Variants in ETV1 observed in about 807,000 individuals in gnomAD.
ETV1 encodes ETS translocation variant 1.
Under a neutral mutation model 62.3 loss-of-function variants are expected in ETV1, and 27 were observed. That is an observed-to-expected ratio of 0.43 (90% CI 0.32 to 0.60). ETV1 has a LOEUF of 0.60. ETV1 is among the 20% of genes least tolerant of loss of function. The pLI is 0.06. For missense variants in ETV1, 605 were observed against 605.8 expected, an observed-to-expected ratio of 1.00 and a Z score of 0.01; for synonymous variants, 222 against 199.6, an observed-to-expected ratio of 1.11 and a Z score of -0.94.
At position 13,893,446 on chromosome 7, in the gene ETV1, A is replaced by G. The variant is rs1191206401; in HGVS notation, c.*2420T>C. 2 of 230,646 alleles carry G rather than the reference A, an allele frequency of 8.7e-6. No homozygotes were observed. The highest frequency in any genetic ancestry group is 1.2e-4 in the East Asian group (2 of 16,088). The allele number at this position is 230,646 out of a possible 1,614,324, so 14.3% of individuals were successfully genotyped here. A position where few individuals can be genotyped will look rare whatever the true frequency, so the allele number is the denominator to read the frequency against. ...GAAATACACTTAATGTTGGTCAATT[A>G]TGTATTTAGTTCAGTGAGTCACTAC... is the stretch of plus-strand genomic sequence containing the variant. On this transcript the variant is annotated 3_prime_UTR_variant, in exon 14 of 14. Coordinates refer to ENST00000430479, the MANE Select transcript of ETV1 (RefSeq NM_004956.5).
chr7:13,908,552 CTG>C (rs1187426064), intron 11 of ETV1, among the ~76,000 whole-genome samples: 2 of 152,020 alleles, frequency 1.3e-5, no homozygotes, highest in Non-Finnish European at 2.9e-5. Flanking sequence ...AAGCTAACAT[CTG>C]TTGTAGAATA....
At position 13,911,295 on chromosome 7, in the gene ETV1, C is replaced by A; in HGVS notation, c.815G>T (p.Cys272Phe). ...TTCTTGCCTCATATAAATGGAGTGG[C>A]AGCTAGGCACTTCTGAAAGAGGAAA... ...DFAYDSEVPS[C>F]HSIYMRQEGF... The change falls in exon 10 of 14, where the codon TGC becomes TTC. Residue 272 changes from cysteine (C) to phenylalanine (F), a missense_variant. By Grantham distance (205) the Cys-to-Phe change is radical. Coordinates refer to ENST00000430479, the MANE Select transcript of ETV1 (RefSeq NM_004956.5). 1 of 1,612,006 alleles carries A rather than the reference C, an allele frequency of 6.2e-7. No individual in the cohort carries two copies. Among genetic ancestry groups the A allele is most frequent in the Non-Finnish European group, 8.5e-7 (1 of 1,178,496 alleles).
intron 6 of ETV1, chr7:13,975,020 T>C (rs559235999): frequency 6.6e-6 from 1 of 152,392 alleles, no homozygotes; most frequent in Non-Finnish European, 1.5e-5. Context: ...GACAACAATG[T>C]GGAAGACATC....
At chr7:13,956,235 T>C (rs373389016) in intron 6 of ETV1, among the ~76,000 whole-genome samples, 2 of 152,312 alleles carry the variant, frequency 1.3e-5, no homozygotes, top group African/African-American at 4.8e-5. Context: ...TTTATAATAA[T>C]CCAGAAGGCC....
At position 13,895,933 on chromosome 7, in the gene ETV1, C is replaced by T; in HGVS notation, c.1367G>A (p.Ser456Asn). 6.2e-7 allele frequency: 1 copy of T among 1,613,710 alleles called. No individual in the cohort carries two copies. Among genetic ancestry groups the T allele is most frequent in the Non-Finnish European group, 8.5e-7 (1 of 1,179,800 alleles). ...GCCCCCTTCCGGCATGTAGGCCATGCTCTCATCAAAGTGAGAAAGAGGCAC... is the reference window on the plus strand; with the variant it reads ...GCCCCCTTCCGGCATGTAGGCCATGTTCTCATCAAAGTGAGAAAGAGGCAC... The part of the protein sequence containing the change: ...DTVPLSHFDE[S>N]MAYMPEGGCC... The change falls in exon 14 of 14, where the codon AGC becomes AAC. Residue 456 changes from serine (S) to asparagine (N), a missense_variant. Ser to Asn is a conservative substitution (Grantham distance 46, BLOSUM62 1). Coordinates refer to ENST00000430479, the MANE Select transcript of ETV1 (RefSeq NM_004956.5).
chr7:13,978,743 T>C (rs575939708), intron 5 of ETV1, among the ~76,000 whole-genome samples: 4 of 151,906 alleles, frequency 2.6e-5, no homozygotes, highest in Non-Finnish European at 4.4e-5. Flanking sequence ...AAGAATACAA[T>C]ATACAGAATT....
chr7:13,962,892 T>C (rs936138110), intron 6 of ETV1, among the ~76,000 whole-genome samples: 4 of 152,216 alleles, frequency 2.6e-5, no homozygotes, highest in African/African-American at 9.6e-5. Flanking sequence ...CGAATATATA[T>C]ATGTATACAC....
At chr7:13,898,052 T>C (rs1483990160) in intron 13 of ETV1, among the ~76,000 whole-genome samples, 2 of 152,220 alleles carry the variant, frequency 1.3e-5, no homozygotes, top group Non-Finnish European at 2.9e-5. Flanking sequence ...CTTCCTTCTG[T>C]ATTGCTTTTG....
At chr7:13,984,929 T>TTAAAA (rs1782395512) in intron 5 of ETV1, among the ~76,000 whole-genome samples, 3 of 148,900 alleles carry the variant, frequency 2.0e-5, no homozygotes, top group Admixed American at 1.3e-4. Flanking sequence ...AGTCAAAAGT[T>TTAAAA]AAAAAAAAAG....
intron 6 of ETV1, among the ~76,000 whole-genome samples, chr7:13,975,418 T>C (rs1371345332): frequency 6.6e-6 from 1 of 150,980 alleles, no homozygotes; most frequent in African/African-American, 2.4e-5. Flanking sequence ...TGATGGCGGA[T>C]GCCTGTAGTC....
chr7:13,925,335 C>T (rs1785286079), intron 9 of ETV1, among the ~76,000 whole-genome samples: 1 of 152,156 alleles, frequency 6.6e-6, no homozygotes, highest in South Asian at 2.1e-4. Flanking sequence ...CTGCAATGTG[C>T]AAAGGAATAA....
At chr7:13,922,681 C>G (rs533178582) in intron 9 of ETV1, among the ~76,000 whole-genome samples, 19 of 152,264 alleles carry the variant, frequency 1.2e-4, no homozygotes, top group African/African-American at 2.4e-4. Context: ...AATAATGAAG[C>G]CTGCTAGTTT....
rs748904227 is a variant in ETV1, at chr7:13,895,913, C to A, written c.1387G>T (p.Gly463Trp). The A allele has an allele frequency of 1.2e-6, 2 of 1,613,798 alleles. No individual in the cohort carries two copies. The highest frequency in any genetic ancestry group is 4.5e-5 in the East Asian group (2 of 44,880). ...FDESMAYMPE[G>W]GCCNPHPYNE... ...TAGGGGTGGGGGTTGCAGCAGCCCC[C>A]TTCCGGCATGTAGGCCATGCTCTCA... The change falls in exon 14 of 14, where the codon GGG becomes TGG. Residue 463 changes from glycine (G) to tryptophan (W), a missense_variant. Gly to Trp is a radical substitution (Grantham distance 184, BLOSUM62 -2). Around this residue, in one of 3 missense-constraint regions of ETV1, gnomAD observed 79 missense variants for 71.6 expected, o/e 1.10. Transcript: ENST00000430479.
At chr7:13,982,409 T>C (rs1782080928) in intron 5 of ETV1, among the ~76,000 whole-genome samples, 1 of 152,054 alleles carries the variant, frequency 6.6e-6, no homozygotes, top group Non-Finnish European at 1.5e-5. Context: ...AACTACACTA[T>C]ACTACACCAA....
At chr7:13,959,845 T>C (rs925669053) in intron 6 of ETV1, among the ~76,000 whole-genome samples, 2 of 126,118 alleles carry the variant, frequency 1.6e-5, no homozygotes, top group African/African-American at 2.9e-5. Context: ...ATAACACCAC[T>C]GCCCTCCAGC....
At chr7:13,957,447 G>A (rs917387060) in intron 6 of ETV1, among the ~76,000 whole-genome samples, 2 of 152,122 alleles carry the variant, frequency 1.3e-5, no homozygotes, top group African/African-American at 4.8e-5. Flanking sequence ...GTATTACAAT[G>A]TTTGCTCTAG....
chr7:13,942,488 A>G (rs971830405), intron 6 of ETV1, among the ~76,000 whole-genome samples: 4 of 152,110 alleles, frequency 2.6e-5, no homozygotes, highest in Admixed American at 1.3e-4. Flanking sequence ...GGTTTGTGGT[A>G]CAGATTATTT....
intron 6 of ETV1, among the ~76,000 whole-genome samples, chr7:13,954,520 T>A (rs1372803660): frequency 1.3e-5 from 2 of 152,226 alleles, no homozygotes; most frequent in Non-Finnish European, 2.9e-5. Context: ...AATATTTAGC[T>A]CCTGGAAAGG....
Position 13,894,541 on chromosome 7 carries a change from G to T in ETV1, c.*1325C>A, listed in dbSNP as rs1186449895. 1.7e-5 allele frequency: 4 copies of T among 232,352 alleles called. No homozygotes were observed. The highest frequency in any genetic ancestry group is 3.6e-4 in the South Asian group (2 of 5,520). The allele number at this position is 232,352 out of a possible 1,614,324, so 14.4% of individuals were successfully genotyped here. A position where few individuals can be genotyped will look rare whatever the true frequency, so the allele number is the denominator to read the frequency against. On this transcript the variant is annotated 3_prime_UTR_variant, in exon 14 of 14. Coordinates refer to ENST00000430479, the MANE Select transcript of ETV1 (RefSeq NM_004956.5). ...TCCATATCACCAAAAGTTACAAAAG[G>T]TTCCACAGTTTCCTTTAGCAAGCTG... is the stretch of plus-strand genomic sequence containing the variant.
Sources: gnomAD v4.1 joint callset for allele counts (sites outside exome capture counted in the v4.1 genomes callset) on GRCh38, gnomAD v4.1.1 for gene constraint, gnomAD v4.1.1 regional missense constraint, MANE v1.5 for transcripts, NCBI Gene and HGNC (gene_info 2026-07-23, HGNC 2026-07-21) for gene names.